The following TMEM186 variants were observed in gnomAD, a reference collection of about 807,000 sequenced individuals.
TMEM186 encodes chromosome 16 open reading frame 51.
A neutral mutation model predicts 2.5 loss-of-function variants in TMEM186; 2 were observed. The ratio of observed to expected loss-of-function variants is 0.79; its 90% confidence interval spans 0.32 to 2.50. The LOEUF (loss-of-function observed/expected upper bound fraction) is 2.50, where lower values mean the gene tolerates loss of function less well. Among genes scored for constraint, TMEM186 ranks in the 30% most tolerant of loss-of-function variants. The probability of loss-of-function intolerance (pLI) is 0.11; values close to 1 mark genes in which losing one functional copy is unlikely to be tolerated. For missense variants in TMEM186, 321 were observed against 276.5 expected (o/e 1.16, Z -1.14); for synonymous variants, 120 against 104.9 (o/e 1.14, Z -0.88).
intron 1 of TMEM186, 113 bp from the exon 2 acceptor site, chr16:8,796,703 C>T (rs1311076830): frequency 7.5e-7 from 1 of 1,329,112 alleles, no homozygotes; most frequent in Non-Finnish European, 1.0e-6. Flanking sequence ...GCAAGGTAAC[C>T]GTTATTGCCA....
chr16:8,797,396 C>G (rs2060583480), intron 1 of TMEM186, among the ~76,000 whole-genome samples: 1 of 152,176 alleles, frequency 6.6e-6, no homozygotes, highest in Admixed American at 6.5e-5. Flanking sequence ...ACCTAATGCA[C>G]TGTGAGAGCT....
In TMEM186 at chr16:8,796,476, T is replaced by C; in HGVS notation, c.118A>G (p.Ser40Gly). ...QEDPKRWVGS[S>G]SPISKEKLPN... The stretch of plus-strand genomic sequence containing the variant: ...AGTTTCTCCTTCGAGATGGGTGAAC[T>C]GCTGCCCACCCACCTCTTAGGATCC... The change falls in exon 2 of 2, where the codon AGT becomes GGT. Residue 40 changes from serine (S) to glycine (G), a missense_variant. Ser to Gly is a moderately conservative substitution (Grantham distance 56, BLOSUM62 0). Coordinates refer to ENST00000333050, the MANE Select transcript of TMEM186 (RefSeq NM_015421.4). The C allele has an allele frequency of 6.2e-7, 1 of 1,614,220 alleles. No homozygotes were observed. Among genetic ancestry groups the C allele is most frequent in the Non-Finnish European group, 8.5e-7 (1 of 1,180,044 alleles).
Position 8,796,405 on chromosome 16 carries a change from A to C in TMEM186, c.189T>G (p.Asp63Glu), listed in dbSNP as rs1337483119. Residue 63 changes from aspartate to glutamate, a missense_variant, in exon 2 of 2, where the codon GAT (aspartate) becomes GAG (glutamate). Transcript: ENST00000333050. ...TEKFWMFYRFDAIRTFGFLSR... is the reference protein window; with the variant it reads ...TEKFWMFYRFEAIRTFGFLSR... ...ACAGGAACCCGAAGGTTCTGATGGC[A>C]TCAAAACGGTAAAACATCCAGAATT... 1.9e-6 allele frequency: 3 copies of C among 1,614,210 alleles called. No homozygotes were observed. The highest frequency in any genetic ancestry group is 1.7e-6 in the Non-Finnish European group (2 of 1,180,030).
chr16:8,797,638 G>C lies in TMEM186; in HGVS notation c.-24C>G, dbSNP rs1381577382. ...ATGGCCCCACCACCTGCTGCCGGAA[G>C]TAAATCCCACCGGCCCCCGGAACCC... is the stretch of plus-strand genomic sequence containing the variant. On this transcript the variant is annotated 5_prime_UTR_variant, in exon 1 of 2. Transcript: ENST00000333050. 4.4e-6 allele frequency: 7 copies of C among 1,599,032 alleles called. No homozygotes were observed. The East Asian group carries it at 1.6e-4, about 36-fold the overall frequency.
chr16:8,796,340 G>T lies in TMEM186; in HGVS notation c.254C>A (p.Ala85Asp). The T allele has an allele frequency of 6.2e-7, 1 of 1,614,258 alleles. No homozygotes were observed. The highest frequency in any genetic ancestry group is 8.5e-7 in the Non-Finnish European group (1 of 1,180,048). Reference protein sequence around the residue: ...KLAQTALTVVALPPGYYLYSQ... With the variant: ...KLAQTALTVVDLPPGYYLYSQ... ...GTACAAGTAATAGCCTGGTGGCAAA[G>T]CTACCACTGTCAGGGCAGTCTGTGC... is the stretch of plus-strand genomic sequence containing the variant. The change falls in exon 2 of 2, where the codon GCT (alanine) becomes GAT (aspartate). Residue 85 changes from alanine (A) to aspartate (D), a missense_variant. Physicochemically the swap from Ala to Asp is moderately radical, Grantham distance 126 (BLOSUM62 -2). Transcript: ENST00000333050.
Position 8,795,885 on chromosome 16 carries a change from C to G in TMEM186, c.*67G>C. 1.9e-6 allele frequency: 3 copies of G among 1,542,880 alleles called. No homozygotes were observed. In the South Asian group the frequency reaches 3.7e-5, roughly 19 times the overall value. ...CCCAGTCCCCTTTCTTCAGCCTTGCCCACACCCTCAGCCTTCCTGTTAATC... is the reference window on the plus strand; with the variant it reads ...CCCAGTCCCCTTTCTTCAGCCTTGCGCACACCCTCAGCCTTCCTGTTAATC... On this transcript the variant is annotated 3_prime_UTR_variant, in exon 2 of 2. Transcript: ENST00000333050.
In TMEM186 at chr16:8,795,858, T is replaced by G; in HGVS notation, c.*94A>C. The G allele has an allele frequency of 2.1e-6, 3 of 1,434,860 alleles. No homozygotes were observed. Among genetic ancestry groups the G allele is most frequent in the Non-Finnish European group, 1.9e-6 (2 of 1,059,728 alleles). The allele number at this position is 1,434,860 out of a possible 1,614,324, so 88.9% of individuals were successfully genotyped here. ...CAGGGGCCCAGGCAAAGTCTCCAAG[T>G]ACCCAGTCCCCTTTCTTCAGCCTTG... On this transcript the variant is annotated 3_prime_UTR_variant, in exon 2 of 2. Coordinates refer to ENST00000333050, the MANE Select transcript of TMEM186 (RefSeq NM_015421.4).
chr16:8,797,634 G>C lies in TMEM186; in HGVS notation c.-20C>G. Reference sequence around the variant, plus strand: ...TACCATGGCCCCACCACCTGCTGCCGGAAGTAAATCCCACCGGCCCCCGGA... The same window carrying C: ...TACCATGGCCCCACCACCTGCTGCCCGAAGTAAATCCCACCGGCCCCCGGA... On this transcript the variant is annotated 5_prime_UTR_variant, in exon 1 of 2. Transcript: ENST00000333050. The C allele has an allele frequency of 6.3e-7, 1 of 1,599,970 alleles. No individual in the cohort carries two copies. Among genetic ancestry groups the C allele is most frequent in the African/African-American group, 1.3e-5 (1 of 74,488 alleles).
At chr16:8,797,548 C>A in intron 1 of TMEM186, 64 bp downstream of exon 1, 7 of 1,558,876 alleles carry the variant, frequency 4.5e-6, no homozygotes, top group Non-Finnish European at 6.1e-6. Flanking sequence ...GGCCTGCCCG[C>A]CCCAGCCCTG....
chr16:8,795,856 A>G lies in TMEM186; in HGVS notation c.*96T>C, dbSNP rs1596480495. The G allele has an allele frequency of 7.0e-7, 1 of 1,427,358 alleles. No individual in the cohort carries two copies. The highest frequency in any genetic ancestry group is 9.5e-7 in the Non-Finnish European group (1 of 1,052,960). The allele number at this position is 1,427,358 out of a possible 1,614,324, so 88.4% of individuals were successfully genotyped here. A position where few individuals can be genotyped will look rare whatever the true frequency, so the allele number is the denominator to read the frequency against. ...CCCAGGGGCCCAGGCAAAGTCTCCA[A>G]GTACCCAGTCCCCTTTCTTCAGCCT... On this transcript the variant is annotated 3_prime_UTR_variant, in exon 2 of 2. Coordinates refer to ENST00000333050, the MANE Select transcript of TMEM186 (RefSeq NM_015421.4).
intron 1 of TMEM186, 76 bp downstream of exon 1, chr16:8,797,536 C>G (rs2060584529): frequency 6.5e-7 from 1 of 1,527,766 alleles, no homozygotes; most frequent in Non-Finnish European, 8.9e-7. Flanking sequence ...ACCCGAGCGT[C>G]GGGCCTGCCC....
chr16:8,796,288 G>A lies in TMEM186; in HGVS notation c.306C>T (p.Thr102=), dbSNP rs1270352343. 9 of 1,614,092 alleles carry A rather than the reference G, an allele frequency of 5.6e-6. No homozygotes were observed. The highest frequency in any genetic ancestry group is 2.7e-5 in the African/African-American group (2 of 74,914). Residue 102 remains threonine, a synonymous_variant, in exon 2 of 2, where the codon ACC becomes ACT. Coordinates refer to ENST00000333050, the MANE Select transcript of TMEM186 (RefSeq NM_015421.4). Reference sequence around the variant, plus strand: ...CCGATATCCCACTCATGAGGCACACGGTGTTGAGAGTGAGGAGGCCCTGGG... The same window carrying A: ...CCGATATCCCACTCATGAGGCACACAGTGTTGAGAGTGAGGAGGCCCTGGG... The part of the protein sequence containing the change: ...LYSQGLLTLN[T]VCLMSGISGF...
At chr16:8,796,651 AAC>A in intron 1 of TMEM186, 61 bp from the exon 2 acceptor site, 1 of 1,561,298 alleles carries the variant, frequency 6.4e-7, no homozygotes, top group East Asian at 2.3e-5. Flanking sequence ...TCACACGGTG[AAC>A]ATCTGCAAAG....
At chr16:8,796,797 C>T (rs888946932) in intron 1 of TMEM186, among the ~76,000 whole-genome samples, 5 of 152,180 alleles carry the variant, frequency 3.3e-5, no homozygotes, top group Non-Finnish European at 7.3e-5. Context: ...TTCCACTTTA[C>T]CACTAGGGAA....
Position 8,795,214 on chromosome 16 carries a change from A to G in TMEM186, c.*738T>C, listed in dbSNP as rs368970187. 1 of 152,244 alleles carries G rather than the reference A, an allele frequency of 6.6e-6. No homozygotes were observed. Among genetic ancestry groups the G allele is most frequent in the African/African-American group, 2.4e-5 (1 of 41,462 alleles). 9.4% of individuals were successfully genotyped at this position (152,244 alleles called of 1,614,324 possible). A position where few individuals can be genotyped will look rare whatever the true frequency, so the allele number is the denominator to read the frequency against. On this transcript the variant is annotated 3_prime_UTR_variant, in exon 2 of 2. Coordinates refer to ENST00000333050, the MANE Select transcript of TMEM186 (RefSeq NM_015421.4). ...TTTGGCTTTATTACACTGCAGGGCC[A>G]TCCAAAGCAAGAGCCTCTAGACCTC...
rs1438918469 is a variant in TMEM186 at position 8,796,420 on chromosome 16, C to T, written c.174G>A (p.Met58Ile). Reference protein sequence around the residue: ...LPNAETEKFWMFYRFDAIRTF... With the variant: ...LPNAETEKFWIFYRFDAIRTF... The stretch of plus-strand genomic sequence containing the variant: ...TTCTGATGGCATCAAAACGGTAAAA[C>T]ATCCAGAATTTCTCAGTCTCTGCGT... Residue 58 changes from methionine to isoleucine, a missense_variant, in exon 2 of 2, where the codon ATG becomes ATA. Coordinates refer to ENST00000333050, the MANE Select transcript of TMEM186 (RefSeq NM_015421.4). 6.2e-7 allele frequency: 1 copy of T among 1,614,216 alleles called. No individual in the cohort carries two copies. Among genetic ancestry groups the T allele is most frequent in the East Asian group, 2.2e-5 (1 of 44,890 alleles).
chr16:8,796,472 G>A lies in TMEM186; in HGVS notation c.122C>T (p.Ser41Leu). The change falls in exon 2 of 2, where the codon TCA (serine) becomes TTA (leucine). Residue 41 changes from serine (S) to leucine (L), a missense_variant. Ser to Leu is a moderately radical substitution (Grantham distance 145). Coordinates refer to ENST00000333050, the MANE Select transcript of TMEM186 (RefSeq NM_015421.4). Reference sequence around the variant, plus strand: ...TGGTAGTTTCTCCTTCGAGATGGGTGAACTGCTGCCCACCCACCTCTTAGG... The same window carrying A: ...TGGTAGTTTCTCCTTCGAGATGGGTAAACTGCTGCCCACCCACCTCTTAGG... ...EDPKRWVGSS[S>L]PISKEKLPNA... 6.2e-7 allele frequency: 1 copy of A among 1,614,208 alleles called. No homozygotes were observed. The highest frequency in any genetic ancestry group is 8.5e-7 in the Non-Finnish European group (1 of 1,180,046).
chr16:8,796,438 C>G lies in TMEM186; in HGVS notation c.156G>C (p.Glu52Asp), dbSNP rs145897590. The G allele has an allele frequency of 1.9e-6, 3 of 1,614,106 alleles. No homozygotes were observed. The highest frequency in any genetic ancestry group is 2.5e-6 in the Non-Finnish European group (3 of 1,180,058). ...GGTAAAACATCCAGAATTTCTCAGTCTCTGCGTTTGGTAGTTTCTCCTTCG... is the reference window on the plus strand; with the variant it reads ...GGTAAAACATCCAGAATTTCTCAGTGTCTGCGTTTGGTAGTTTCTCCTTCG... Reference protein sequence around the residue: ...PISKEKLPNAETEKFWMFYRF... With the variant: ...PISKEKLPNADTEKFWMFYRF... Residue 52 changes from glutamate (E) to aspartate (D), a missense_variant, in exon 2 of 2, where the codon GAG (glutamate) becomes GAC (aspartate). Glu to Asp is a conservative substitution (Grantham distance 45, BLOSUM62 2). Transcript: ENST00000333050.
In TMEM186 at chr16:8,796,238, C is replaced by T; in HGVS notation, c.356G>A (p.Trp119Ter). The change falls in exon 2 of 2, where the codon TGG becomes TAG. Residue 119 changes from tryptophan (W) to a stop codon, truncating the protein, a stop_gained. Coordinates refer to ENST00000333050, the MANE Select transcript of TMEM186 (RefSeq NM_015421.4). LOFTEE classifies it high-confidence loss of function. The stretch of plus-strand genomic sequence containing the variant: ...CAGTCTCCGTAAGAAATAGCTCATC[C>T]AGCACAGCATGGTCAGGGCAAAGCC... The part of the protein sequence containing the change: ...ISGFALTMLC[W>*]MSYFLRRLVG... The T allele has an allele frequency of 1.9e-6, 3 of 1,614,190 alleles. No homozygotes were observed. The highest frequency in any genetic ancestry group is 2.5e-6 in the Non-Finnish European group (3 of 1,180,048).
Sources: gnomAD v4.1 joint callset for allele counts (sites outside exome capture counted in the v4.1 genomes callset) on GRCh38, gnomAD v4.1.1 for gene constraint, MANE v1.5 for transcripts, NCBI Gene and HGNC (gene_info 2026-07-23, HGNC 2026-07-21) for gene names.